WDR49: variants seen among roughly 807,000 people sequenced by gnomAD.
WDR49 encodes cilia- and flagella-associated protein 337.
In WDR49, 107 loss-of-function variants were observed where a neutral mutation model predicts 119.5. That is an observed-to-expected ratio of 0.90 (90% CI 0.77 to 1.05). The LOEUF (loss-of-function observed/expected upper bound fraction) is 1.05, where lower values mean the gene tolerates loss of function less well. Ranked by LOEUF, WDR49 falls within the 50% of genes least tolerant of loss-of-function variation. The probability of loss-of-function intolerance (pLI) is 0.00; values close to 1 mark genes in which losing one functional copy is unlikely to be tolerated. For synonymous variants in WDR49, 425 were observed against 418.8 expected (o/e 1.01, Z -0.18); for missense variants, 1,240 against 1,220.5 (o/e 1.02, Z -0.24).
At chr3:167,633,436 A>T (rs529121356) in intron 2 of WDR49, 34 of 456,224 alleles carry the variant, frequency 7.5e-5, no homozygotes, top group African/African-American at 5.2e-4. Context: ...GCTCTTTCAC[A>T]TATACAAGAG....
At position 167,608,803 on chromosome 3, in the gene WDR49, G is replaced by T. The variant is rs550964708; in HGVS notation, c.959-4335C>A. On this transcript the variant is annotated intron_variant, in intron 5 of 18. Transcript: ENST00000682715. ...TTCTCAGTAAGTTTTGGAATTGGTAGAGGAAAATACTTTTAAATTACTTTT... is the reference window on the plus strand; with the variant it reads ...TTCTCAGTAAGTTTTGGAATTGGTATAGGAAAATACTTTTAAATTACTTTT... 1.9e-4 allele frequency among the ~76,000 whole-genome samples: 29 copies of T among 152,158 alleles called. No homozygotes were observed. In the South Asian group the frequency reaches 5.8e-3, roughly 30 times the overall value.
intron 5 of WDR49, among the ~76,000 whole-genome samples, chr3:167,612,319 A>G (rs1406011707): frequency 4.6e-5 from 7 of 152,090 alleles, no homozygotes; most frequent in African/African-American, 1.7e-4. Context: ...TATGGGATAC[A>G]GTAAAAGCAG....
intron 9 of WDR49, among the ~76,000 whole-genome samples, chr3:167,558,226 T>C (rs997560705): frequency 1.3e-5 from 2 of 152,230 alleles, no homozygotes; most frequent in African/African-American, 2.4e-5. Context: ...TTTCACTATA[T>C]ATCCATTTTA....
At chr3:167,586,641 G>A (rs562779371) in intron 7 of WDR49, among the ~76,000 whole-genome samples, 4 of 152,228 alleles carry the variant, frequency 2.6e-5, no homozygotes, top group Admixed American at 2.6e-4. Flanking sequence ...GACTTTGACA[G>A]CAATAAAGCA....
At chr3:167,547,773 C>T (rs1029417937) in intron 10 of WDR49, among the ~76,000 whole-genome samples, 2 of 149,872 alleles carry the variant, frequency 1.3e-5, no homozygotes, top group African/African-American at 4.9e-5. Context: ...TAACCAAAAA[C>T]AGAATAATAT....
Position 167,487,217 on chromosome 3 carries a change from T to C in WDR49, c.3032-8221A>G, listed in dbSNP as rs145582025. On this transcript the variant is annotated intron_variant, in intron 18 of 18. Transcript: ENST00000682715. Reference sequence around the variant, plus strand: ...TGGAAAAGAATAAAAATCTCAAAAATAAAGCTGTGTACCTACAACCATCTG... The same window carrying C: ...TGGAAAAGAATAAAAATCTCAAAAACAAAGCTGTGTACCTACAACCATCTG... 3.4e-3 allele frequency among the ~76,000 whole-genome samples: 523 copies of C among 151,902 alleles called. 1 individual carries two copies. Among genetic ancestry groups the C allele is most frequent in the Middle Eastern group, 0.017 (5 of 294 alleles).
intron 17 of WDR49, among the ~76,000 whole-genome samples, chr3:167,501,284 T>C (rs1751555610): frequency 6.6e-6 from 1 of 152,186 alleles, no homozygotes; most frequent in African/African-American, 2.4e-5. Flanking sequence ...AAACTGAGGC[T>C]TAGGATGCGT....
chr3:167,543,694 G>C (rs1450264520), intron 10 of WDR49, among the ~76,000 whole-genome samples: 1 of 151,900 alleles, frequency 6.6e-6, no homozygotes, highest in African/African-American at 2.4e-5. Flanking sequence ...ATGTTGAATG[G>C]GGAAAAGTTG....
chr3:167,550,255 A>T (rs1018814534), intron 10 of WDR49, among the ~76,000 whole-genome samples: 2 of 152,066 alleles, frequency 1.3e-5, no homozygotes, highest in Admixed American at 1.3e-4. Flanking sequence ...CTTGCTGGGG[A>T]GGGCATTGAA....
intron 5 of WDR49, among the ~76,000 whole-genome samples, chr3:167,605,317 T>C (rs1288845790): frequency 6.6e-6 from 1 of 152,128 alleles, no homozygotes; most frequent in Non-Finnish European, 1.5e-5. Flanking sequence ...ATTCCATAGC[T>C]ATCTCCCTAG....
chr3:167,590,344 G>T (rs537734145), intron 7 of WDR49, among the ~76,000 whole-genome samples: 1 of 152,082 alleles, frequency 6.6e-6, no homozygotes, highest in African/African-American at 2.4e-5. Context: ...GTTTATGAGG[G>T]CTATCTGCCT....
intron 15 of WDR49, among the ~76,000 whole-genome samples, chr3:167,523,687 GT>G (rs1389577330): frequency 6.6e-6 from 1 of 152,030 alleles, no homozygotes; most frequent in Non-Finnish European, 1.5e-5. Context: ...GAGGATGATG[GT>G]TTCCAGCTTC....
chr3:167,545,991 T>C (rs914053091), intron 10 of WDR49, among the ~76,000 whole-genome samples: 1 of 151,880 alleles, frequency 6.6e-6, no homozygotes, highest in East Asian at 1.9e-4. Context: ...CAGTTTAATC[T>C]CATAGTAACT....
chr3:167,605,585 T>A (rs1308939924), intron 5 of WDR49, among the ~76,000 whole-genome samples: 1 of 152,096 alleles, frequency 6.6e-6, no homozygotes, highest in Non-Finnish European at 1.5e-5. Context: ...TAGTACATCA[T>A]AAAGTGATAA....
intron 2 of WDR49, among the ~76,000 whole-genome samples, chr3:167,627,495 CTCAATCACAAAAAG>C (rs1370741886): frequency 1.3e-5 from 2 of 152,026 alleles, no homozygotes; most frequent in Admixed American, 6.6e-5. Flanking sequence ...AACTGACATT[CTCAATCACAAAAAG>C]TCAATCACAA....
chr3:167,486,503 G>A (rs907552560), intron 18 of WDR49, among the ~76,000 whole-genome samples: 1 of 152,096 alleles, frequency 6.6e-6, no homozygotes, highest in East Asian at 1.9e-4. Context: ...CTGTCTTCAA[G>A]AGACCCATCT....
At chr3:167,516,934 G>T (rs1259795719) in intron 16 of WDR49, among the ~76,000 whole-genome samples, 1 of 152,114 alleles carries the variant, frequency 6.6e-6, no homozygotes, top group Non-Finnish European at 1.5e-5. Context: ...CTCAAAAGAA[G>T]ACATTTATGC....
At chr3:167,584,155 A>G (rs1325099006) in intron 7 of WDR49, among the ~76,000 whole-genome samples, 6 of 152,212 alleles carry the variant, frequency 3.9e-5, no homozygotes, top group African/African-American at 1.4e-4. Context: ...ATTAAAACCC[A>G]GTGTATGAGT....
intron 12 of WDR49, 126 bp from the exon 13 acceptor site, chr3:167,531,405 C>T: frequency 1.0e-6 from 1 of 999,202 alleles, no homozygotes; most frequent in Non-Finnish European, 1.5e-6. Context: ...CAAGAGACTT[C>T]CAGTCAACAT....
Sources: gnomAD v4.1 joint callset for allele counts (sites outside exome capture counted in the v4.1 genomes callset) on GRCh38, gnomAD v4.1.1 for gene constraint, MANE v1.5 for transcripts, NCBI Gene and HGNC (gene_info 2026-07-23, HGNC 2026-07-21) for gene names.